Variants in RGS17 observed in about 807,000 individuals in gnomAD.
The protein encoded by RGS17 is regulator of G-protein signaling 17.
RGS17 carries 12 observed loss-of-function variants against 25.5 expected under a neutral mutation model. The observed-to-expected ratio is 0.47, with a 90% CI of 0.30 to 0.76. The LOEUF is 0.76. RGS17 is among the 30% of genes least tolerant of loss of function. RGS17 has a pLI of 0.07. For missense variants in RGS17, 196 were observed against 242.2 expected (o/e 0.81, Z 1.27); for synonymous variants, 71 against 76.9 (o/e 0.92, Z 0.40).
chr6:153,085,819 C>G (rs760019038), intron 1 of RGS17, among the ~76,000 whole-genome samples: 1 of 152,068 alleles, frequency 6.6e-6, no homozygotes, highest in Non-Finnish European at 1.5e-5. Flanking sequence ...AAATAGAGCC[C>G]ATGTACCCAG....
intron 1 of RGS17, among the ~76,000 whole-genome samples, chr6:153,072,131 G>A (rs995868316): frequency 6.6e-6 from 1 of 152,072 alleles, no homozygotes; most frequent in African/African-American, 2.4e-5. Context: ...CAACTGCCCA[G>A]GCTGCTCAGT....
At chr6:153,106,607 T>C (rs996795368) in intron 1 of RGS17, among the ~76,000 whole-genome samples, 2 of 151,846 alleles carry the variant, frequency 1.3e-5, no homozygotes, top group Non-Finnish European at 2.9e-5. Context: ...AGAGTAATGG[T>C]AGCCATCATA....
intron 1 of RGS17, among the ~76,000 whole-genome samples, chr6:153,096,346 G>GT (rs1777212123): frequency 6.6e-6 from 1 of 152,216 alleles, no homozygotes; most frequent in Non-Finnish European, 1.5e-5. Flanking sequence ...TCTCTGGGCT[G>GT]TTTCCTCATT....
Position 153,024,330 on chromosome 6 carries a change from T to C in RGS17, c.376A>G (p.Lys126Glu), listed in dbSNP as rs1270415352. The stretch of plus-strand genomic sequence containing the variant: ...CTAGCCTTTTCTTCAATTACTTTTT[T>C]GTTCTGCTCCTTCTTTAAGTCTTCA... ...ACEDLKKEQN[K>E]KVIEEKARMI... The change falls in exon 4 of 5, where the codon AAA becomes GAA. Residue 126 changes from lysine to glutamate, a missense_variant. By Grantham distance (56) the Lys-to-Glu change is moderately conservative. Coordinates refer to ENST00000206262, the MANE Select transcript of RGS17 (RefSeq NM_012419.5). The C allele has an allele frequency of 6.2e-7, 1 of 1,614,112 alleles. No individual in the cohort carries two copies. Among genetic ancestry groups the C allele is most frequent in the South Asian group, 1.1e-5 (1 of 91,074 alleles).
rs116091293 is a variant in RGS17 at position 153,018,323 on chromosome 6, C to A, written c.444+5939G>T. On this transcript the variant is annotated intron_variant, in intron 4 of 4. Transcript: ENST00000206262. The stretch of plus-strand genomic sequence containing the variant: ...TTTGGAAAAGCACCACATTTGGAAT[C>A]AGAAGATCTTGGGCTTGAATTCTAT... 8.3e-3 allele frequency among the ~76,000 whole-genome samples: 1,266 copies of A among 152,248 alleles called. 17 individuals carry two copies. Among genetic ancestry groups the A allele is most frequent in the African/African-American group, 0.029 (1,206 of 41,548 alleles).
At position 153,024,561 on chromosome 6, in the gene RGS17, A is replaced by G. The variant is rs989901950; in HGVS notation, c.210-65T>C. The stretch of plus-strand genomic sequence containing the variant: ...GTGACCAGTGAATGCTAGACCAGGT[A>G]AGGAGAGGAGCAGATAGAAATTCTA... On this transcript the variant is annotated intron_variant, in intron 3 of 4. Transcript: ENST00000206262. 19 of 1,175,110 alleles carry G rather than the reference A, an allele frequency of 1.6e-5. No individual in the cohort carries two copies. In the African/African-American group the frequency reaches 2.4e-4, roughly 15 times the overall value. The allele number at this position is 1,175,110 out of a possible 1,614,324, so 72.8% of individuals were successfully genotyped here.
Position 153,130,795 on chromosome 6 carries a change from G to A in RGS17, c.-26+329C>T, listed in dbSNP as rs925617351. Among the ~76,000 whole-genome samples the A allele has an allele frequency of 6.6e-6, 1 of 152,044 alleles. No individual in the cohort carries two copies. The highest frequency in any genetic ancestry group is 1.5e-5 in the Non-Finnish European group (1 of 67,990). On this transcript the variant is annotated intron_variant, in intron 1 of 4. Transcript: ENST00000206262. This position sits in a 1 kb window ranked among gnomAD's most constrained non-coding sequence, Gnocchi z 6.4. ...GCGCCCCGCTCTCCGCGGGAACTCT[G>A]GGACCTGGCCGAGCGTTCCCCGGCG...
In RGS17 at chr6:153,043,897, T is replaced by C. The variant is rs761346050; in HGVS notation, c.119+3A>G. ...GTGGCATCCTACAGGTAACATGACA[T>C]ACCAGGAGCAGCTGCAACAACAGCA... is the stretch of plus-strand genomic sequence containing the variant. On this transcript the variant is annotated splice_donor_region_variant and intron_variant, in intron 2 of 4. Transcript: ENST00000206262. 1 of 1,597,580 alleles carries C rather than the reference T, an allele frequency of 6.3e-7. No homozygotes were observed. The highest frequency in any genetic ancestry group is 1.1e-5 in the South Asian group (1 of 89,942).
intron 1 of RGS17, among the ~76,000 whole-genome samples, chr6:153,123,260 A>G (rs1168770263): frequency 1.3e-5 from 2 of 152,104 alleles, no homozygotes; most frequent in Non-Finnish European, 2.9e-5. Context: ...GCTGAGTGGC[A>G]ATAAATTGAG....
At chr6:153,090,449 G>GAAA (rs1215269696) in intron 1 of RGS17, among the ~76,000 whole-genome samples, 8 of 83,256 alleles carry the variant, frequency 9.6e-5, no homozygotes, top group East Asian at 3.7e-4. Flanking sequence ...CATCTCTACT[G>GAAA]AAAAAAAAAA....
intron 1 of RGS17, among the ~76,000 whole-genome samples, chr6:153,054,649 TCAAATAAATAAA>T (rs1356549875): frequency 1.2e-5 from 1 of 80,282 alleles, no homozygotes; most frequent in Non-Finnish European, 2.4e-5. Context: ...TGACTTCATC[TCAAATAAATAAA>T]TAAATAAATA....
At chr6:153,026,195 T>C (rs1383776726) in intron 3 of RGS17, among the ~76,000 whole-genome samples, 1 of 152,216 alleles carries the variant, frequency 6.6e-6, no homozygotes, top group Non-Finnish European at 1.5e-5. Context: ...TGGGTGCTAA[T>C]TCATAAGACA....
At chr6:153,020,132 A>G (rs1380647910) in intron 4 of RGS17, among the ~76,000 whole-genome samples, 2 of 77,912 alleles carry the variant, frequency 2.6e-5, no homozygotes, top group Admixed American at 1.7e-4. Flanking sequence ...ATATATATAT[A>G]TATATATTTT....
intron 4 of RGS17, among the ~76,000 whole-genome samples, chr6:153,014,926 T>C (rs1779168230): frequency 6.6e-6 from 1 of 152,200 alleles, no homozygotes; most frequent in South Asian, 2.1e-4. Context: ...TAAGAACATT[T>C]GTGATTCATC....
At chr6:153,087,726 C>G (rs1390344951) in intron 1 of RGS17, among the ~76,000 whole-genome samples, 3 of 152,256 alleles carry the variant, frequency 2.0e-5, no homozygotes, top group East Asian at 1.9e-4. Context: ...TCTCTTCAGT[C>G]TGCAGTGAAG....
chr6:153,050,097 T>TA (rs1156483741), intron 1 of RGS17, among the ~76,000 whole-genome samples: 1 of 152,040 alleles, frequency 6.6e-6, no homozygotes, highest in African/African-American at 2.4e-5. Context: ...CACTTACATA[T>TA]AAAAAATTAC....
In RGS17 at chr6:153,070,673, TTG is replaced by T. The variant is rs55655703; in HGVS notation, c.-25-26632_-25-26631del. ...CCATCCCTCAGTACCACATGGAAGA[TTG>T]TGTGTGTGTGTGTGTGTGTGTGTGT... On this transcript the variant is annotated intron_variant, in intron 1 of 4. Transcript: ENST00000206262. 5.8e-3 allele frequency among the ~76,000 whole-genome samples: 838 copies of T among 145,032 alleles called. 9 individuals are homozygous for T. Among genetic ancestry groups the T allele is most frequent in the African/African-American group, 0.011 (414 of 38,870 alleles).
At chr6:153,123,721 T>C (rs1777669273) in intron 1 of RGS17, among the ~76,000 whole-genome samples, 1 of 152,220 alleles carries the variant, frequency 6.6e-6, no homozygotes, top group Non-Finnish European at 1.5e-5. Context: ...GAAAAAATTC[T>C]AAAATATTGC....
At chr6:153,115,057 A>G (rs1415811984) in intron 1 of RGS17, among the ~76,000 whole-genome samples, 1 of 152,174 alleles carries the variant, frequency 6.6e-6, no homozygotes, top group Non-Finnish European at 1.5e-5. Context: ...CCTATTCAAC[A>G]TAGTATTGGA....
Sources: allele counts gnomAD v4.1 joint callset (sites outside exome capture counted in the v4.1 genomes callset), GRCh38; gene constraint gnomAD v4.1.1; non-coding constraint Gnocchi (gnomAD v3.1); transcripts MANE v1.5; gene names NCBI Gene and HGNC (gene_info 2026-07-23, HGNC 2026-07-21).